DACH2: variants seen among roughly 807,000 people sequenced by gnomAD.
DACH2 encodes the protein dachshund homolog 2.
In DACH2, 17 loss-of-function variants were observed where a neutral mutation model predicts 35.8. That is an observed-to-expected ratio of 0.48 (90% CI 0.33 to 0.71). DACH2 has a LOEUF of 0.71. DACH2 is among the 30% of genes least tolerant of loss of function. DACH2 has a pLI of 0.02. For synonymous variants in DACH2, 195 were observed against 177.3 expected, an observed-to-expected ratio of 1.10 and a Z score of -0.79; for missense variants, 469 against 472.7, an observed-to-expected ratio of 0.99 and a Z score of 0.07.
At chrX:86,305,849 A>C (rs998864468) in intron 1 of DACH2, among the ~76,000 whole-genome samples, 1 of 111,950 alleles carries the variant, frequency 8.9e-6, no homozygotes, top group Non-Finnish European at 1.9e-5. Context: ...CAAAATTTTC[A>C]ACATCACTCA....
intron 1 of DACH2, among the ~76,000 whole-genome samples, chrX:86,298,702 C>T (rs754914205): frequency 2.7e-5 from 3 of 111,625 alleles, no homozygotes; most frequent in South Asian, 3.7e-4. Flanking sequence ...TTGAAAAGTA[C>T]CTAATTAGAT....
chrX:86,479,901 G>A (rs1270262793), intron 2 of DACH2, among the ~76,000 whole-genome samples: 3 of 112,251 alleles, frequency 2.7e-5, no homozygotes, highest in Non-Finnish European at 3.8e-5. Context: ...ATTTCTATGA[G>A]TTTCCTCAAA....
At position 86,586,160 on chromosome X, in the gene DACH2, T is replaced by A. The variant is rs982578570; in HGVS notation, c.641-64876T>A. Among the ~76,000 whole-genome samples the A allele has an allele frequency of 2.7e-5, 3 of 111,730 alleles. No individual in the cohort carries two copies. In the Admixed American group the frequency reaches 2.9e-4, roughly 11 times the overall value. On this transcript the variant is annotated intron_variant, in intron 3 of 11. Coordinates refer to ENST00000373125, the MANE Select transcript of DACH2 (RefSeq NM_053281.3). The stretch of plus-strand genomic sequence containing the variant: ...GTTTTGATTTACATTTCTGTGATGA[T>A]TAGTGATGCTGAGTATTTTTTCATA...
rs373481814 is a variant in DACH2 at position 86,168,532 on chromosome X, A to G, written c.488+19424A>G. Reference sequence around the variant, plus strand: ...TGATCAGAGAGTTTAGTCTATTTACATTCAGTGTTCTTGATAAGGACTTCT... The same window carrying G: ...TGATCAGAGAGTTTAGTCTATTTACGTTCAGTGTTCTTGATAAGGACTTCT... On this transcript the variant is annotated intron_variant, in intron 1 of 11. Coordinates refer to ENST00000373125, the MANE Select transcript of DACH2 (RefSeq NM_053281.3). 1.5e-4 allele frequency among the ~76,000 whole-genome samples: 16 copies of G among 108,745 alleles called. No individual in the cohort carries two copies. The East Asian group carries it at 2.0e-3, about 14-fold the overall frequency. 94.4% of individuals were successfully genotyped at this position (108,745 alleles called of 115,157 possible).
At chrX:86,364,339 C>T (rs763083100) in intron 1 of DACH2, among the ~76,000 whole-genome samples, 86 of 101,130 alleles carry the variant, frequency 8.5e-4, no homozygotes, top group Middle Eastern at 4.9e-3. Context: ...AGACATTCTT[C>T]AAAATGTGAT....
intron 4 of DACH2, among the ~76,000 whole-genome samples, chrX:86,668,781 T>A (rs774402614): frequency 6.0e-4 from 67 of 111,755 alleles, no homozygotes; most frequent in South Asian, 1.1e-3. Context: ...TTCAATATGT[T>A]GCAGTGGGGA....
At chrX:86,251,171 G>A (rs1163513859) in intron 1 of DACH2, among the ~76,000 whole-genome samples, 5 of 110,680 alleles carry the variant, frequency 4.5e-5, no homozygotes, top group Admixed American at 9.6e-5. Flanking sequence ...ATAGTTGTCC[G>A]TTAAAAATAG....
At chrX:86,675,750 T>A (rs1295852825) in intron 4 of DACH2, among the ~76,000 whole-genome samples, 1 of 111,085 alleles carries the variant, frequency 9.0e-6, no homozygotes, top group East Asian at 2.8e-4. Context: ...ATTAAGAGTT[T>A]TTTTTTCTTT....
intron 1 of DACH2, among the ~76,000 whole-genome samples, chrX:86,265,956 T>C (rs1217544480): frequency 1.8e-5 from 2 of 111,544 alleles, no homozygotes; most frequent in African/African-American, 6.5e-5. Flanking sequence ...CATGTGTGTA[T>C]GTGTGTGTGT....
At chrX:86,250,942 T>C (rs1244929330) in intron 1 of DACH2, among the ~76,000 whole-genome samples, 2 of 111,329 alleles carry the variant, frequency 1.8e-5, no homozygotes, top group African/African-American at 3.2e-5. Context: ...AATTCTAAGA[T>C]AAAATAAAGT....
chrX:86,765,685 T>C (rs931247439), intron 7 of DACH2, among the ~76,000 whole-genome samples: 6 of 97,930 alleles, frequency 6.1e-5, no homozygotes, highest in Non-Finnish European at 1.0e-4. Context: ...GTTTTTTTTG[T>C]TGTTGTTTTT....
At chrX:86,634,044 T>A (rs2040233466) in intron 3 of DACH2, among the ~76,000 whole-genome samples, 1 of 111,306 alleles carries the variant, frequency 9.0e-6, no homozygotes, top group African/African-American at 3.3e-5. Context: ...CATAGGAAAC[T>A]TACAATCATG....
intron 1 of DACH2, among the ~76,000 whole-genome samples, chrX:86,214,716 A>G (rs922975786): frequency 8.9e-6 from 1 of 111,795 alleles, no homozygotes; most frequent in Non-Finnish European, 1.9e-5. Flanking sequence ...AAGATTCAAA[A>G]TAAAGAAAAT....
Position 86,514,356 on chromosome X carries a change from C to T in DACH2, c.605C>T (p.Pro202Leu). 2.5e-6 allele frequency: 3 copies of T among 1,211,084 alleles called. No individual in the cohort carries two copies. Among genetic ancestry groups the T allele is most frequent in the Non-Finnish European group, 3.4e-6 (3 of 895,287 alleles). The change falls in exon 3 of 12, where the codon CCA (proline) becomes CTA (leucine). Residue 202 changes from proline (P) to leucine (L), a missense_variant. Physicochemically the swap from Pro to Leu is moderately conservative, Grantham distance 98. Around this residue, in one of 3 missense-constraint regions of DACH2, gnomAD observed 363 missense variants for 334.4 expected, o/e 1.09. Coordinates refer to ENST00000373125, the MANE Select transcript of DACH2 (RefSeq NM_053281.3). Reference sequence around the variant, plus strand: ...GCCCGCCTTCTGACCCATGCAGTCCCAGGCCTCTTATCGCCAGGACTTATC... The same window carrying T: ...GCCCGCCTTCTGACCCATGCAGTCCTAGGCCTCTTATCGCCAGGACTTATC... ...ENARLLTHAV[P>L]GLLSPGLITP...
At chrX:86,325,666 T>C (rs913179411) in intron 1 of DACH2, among the ~76,000 whole-genome samples, 4 of 112,680 alleles carry the variant, frequency 3.5e-5, no homozygotes, top group African/African-American at 9.7e-5. Flanking sequence ...TCATCACTGT[T>C]GCATAATTTG....
chrX:86,697,208 T>C (rs1006773740), intron 5 of DACH2, among the ~76,000 whole-genome samples: 5 of 111,569 alleles, frequency 4.5e-5, no homozygotes, highest in African/African-American at 1.6e-4. Flanking sequence ...CATTTAACTA[T>C]CGCCACAGTA....
chrX:86,587,702 T>G (rs1331678895), intron 3 of DACH2, among the ~76,000 whole-genome samples: 1 of 111,944 alleles, frequency 8.9e-6, no homozygotes, highest in Non-Finnish European at 1.9e-5. Flanking sequence ...TGTCTGTTTA[T>G]GTCCTTTGCC....
chrX:86,331,377 G>A (rs1486666350), intron 1 of DACH2, among the ~76,000 whole-genome samples: 1 of 110,888 alleles, frequency 9.0e-6, no homozygotes, highest in Non-Finnish European at 1.9e-5. Context: ...TAACATTTCA[G>A]ACAAGGGCTC....
At position 86,566,640 on chromosome X, in the gene DACH2, C is replaced by A. The variant is rs1356092577; in HGVS notation, c.640+52249C>A. On this transcript the variant is annotated intron_variant, in intron 3 of 11. Transcript: ENST00000373125. ...TGAGACATGAATTTATGTGTATGCC[C>A]ATACTACGTGGTTACCTTTATTGTG... Among the ~76,000 whole-genome samples the A allele has an allele frequency of 2.7e-5, 3 of 110,958 alleles. No homozygotes were observed. In the Admixed American group the frequency reaches 2.9e-4, roughly 11 times the overall value.
Sources: allele counts gnomAD v4.1 joint callset (sites outside exome capture counted in the v4.1 genomes callset), GRCh38; gene constraint gnomAD v4.1.1; regional missense constraint gnomAD v4.1.1; transcripts MANE v1.5; gene names NCBI Gene and HGNC (gene_info 2026-07-23, HGNC 2026-07-21).